SAFB: variants seen among roughly 807,000 people sequenced by gnomAD.
SAFB encodes the protein scaffold attachment factor B1.
Under a neutral mutation model 101.6 loss-of-function variants are expected in SAFB, and 15 were observed. The ratio of observed to expected loss-of-function variants is 0.15; its 90% CI spans 0.10 to 0.23. SAFB has a LOEUF of 0.23. Among genes scored for constraint, SAFB ranks in the 10% least tolerant of loss-of-function variants. The pLI is 1.00. For synonymous variants in SAFB, 449 were observed against 407.5 expected, an observed-to-expected ratio of 1.10 and a Z score of -1.23; for missense variants, 930 against 1,104.1, an observed-to-expected ratio of 0.84 and a Z score of 2.23.
chr19:5,623,403 G>A lies in SAFB; in HGVS notation c.189+9G>A, dbSNP rs1283784808. The A allele has an allele frequency of 1.2e-6, 2 of 1,610,738 alleles. No individual in the cohort carries two copies. Among genetic ancestry groups the A allele is most frequent in the African/African-American group, 1.3e-5 (1 of 74,874 alleles). Reference sequence around the variant, plus strand: ...TGGAGCGGCTGAAGAAGGTGGATTTGGGGCCCCGAGGGCGGGCACAGGGTG... The same window carrying A: ...TGGAGCGGCTGAAGAAGGTGGATTTAGGGCCCCGAGGGCGGGCACAGGGTG... On this transcript the variant is annotated intron_variant, in intron 1 of 20. Coordinates refer to ENST00000588852, the MANE Select transcript of SAFB (RefSeq NM_001201338.2).
chr19:5,626,262 TGGATGGGC>T, intron 1 of SAFB, 135 bp from the exon 2 acceptor site: 1 of 611,272 alleles, frequency 1.6e-6, no homozygotes. Context: ...AACAGATGAG[TGGATGGGC>T]CACAGGTCCT....
At position 5,649,987 on chromosome 19, in the gene SAFB, C is replaced by T. The variant is rs1191169324; in HGVS notation, c.1198+12C>T. Reference sequence around the variant, plus strand: ...CAAAGAGGAAAAGGGTAGGTCACCTCGGCGACACCAGTCCCTTGGAGCATG... The same window carrying T: ...CAAAGAGGAAAAGGGTAGGTCACCTTGGCGACACCAGTCCCTTGGAGCATG... On this transcript the variant is annotated intron_variant, in intron 8 of 20. Transcript: ENST00000588852. 7 of 1,609,444 alleles carry T rather than the reference C, an allele frequency of 4.3e-6. No individual in the cohort carries two copies. Among genetic ancestry groups the T allele is most frequent in the African/African-American group, 1.3e-5 (1 of 74,806 alleles).
At chr19:5,630,927 C>T (rs1428757964) in intron 2 of SAFB, among the ~76,000 whole-genome samples, 3 of 151,856 alleles carry the variant, frequency 2.0e-5, no homozygotes, top group Non-Finnish European at 2.9e-5. Flanking sequence ...CGTGGTGGCT[C>T]ATGCCTGTAA....
intron 9 of SAFB, among the ~76,000 whole-genome samples, chr19:5,651,317 G>T (rs554914693): frequency 5.9e-5 from 9 of 152,112 alleles, no homozygotes; most frequent in African/African-American, 2.2e-4. Context: ...GTGATGGCTC[G>T]TGGATCCATT....
In SAFB at chr19:5,636,039, C is replaced by G. The variant is rs140566886; in HGVS notation, c.275-5555C>G. On this transcript the variant is annotated intron_variant, in intron 2 of 20. Coordinates refer to ENST00000588852, the MANE Select transcript of SAFB (RefSeq NM_001201338.2). ...TGTGCTTTATACGTTGAAGATTAAA[C>G]ATTTTGAAGATTGCATGTTCTCTCG... Among the ~76,000 whole-genome samples the G allele has an allele frequency of 4.6e-5, 7 of 152,090 alleles. No individual in the cohort carries two copies. The East Asian group carries it at 9.7e-4, about 21-fold the overall frequency.
At position 5,649,913 on chromosome 19, in the gene SAFB, C is replaced by G. The variant is rs776888383; in HGVS notation, c.1149-13C>G. On this transcript the variant is annotated splice_polypyrimidine_tract_variant and intron_variant, in intron 7 of 20. Transcript: ENST00000588852. Reference sequence around the variant, plus strand: ...CTGCTTCCTTGTGGAGTGACATTGTCTTTTGTCTCTAGTTCTCCCGAAGAT... The same window carrying G: ...CTGCTTCCTTGTGGAGTGACATTGTGTTTTGTCTCTAGTTCTCCCGAAGAT... 2 of 1,612,088 alleles carry G rather than the reference C, an allele frequency of 1.2e-6. No homozygotes were observed. Among genetic ancestry groups the G allele is most frequent in the African/African-American group, 2.7e-5 (2 of 74,880 alleles).
Position 5,647,924 on chromosome 19 carries a change from A to T in SAFB, c.610-92A>T, listed in dbSNP as rs1236053239. On this transcript the variant is annotated intron_variant, in intron 5 of 20. Coordinates refer to ENST00000588852, the MANE Select transcript of SAFB (RefSeq NM_001201338.2). ...TGTGAGTTTCCCTCCCTGGATTTTT[A>T]AAATTCCCTCTTTAGTTATTCTGGG... 3.7e-5 allele frequency: 45 copies of T among 1,206,738 alleles called. 2 individuals are homozygous for T. Among genetic ancestry groups the T allele is most frequent in the Non-Finnish European group, 4.9e-5 (40 of 811,624 alleles). 74.8% of individuals were successfully genotyped at this position (1,206,738 alleles called of 1,614,324 possible).
intron 14 of SAFB, among the ~76,000 whole-genome samples, chr19:5,658,075 G>A (rs998965325): frequency 6.6e-6 from 1 of 151,818 alleles, no homozygotes; most frequent in African/African-American, 2.4e-5. Flanking sequence ...TCAGCTCACC[G>A]CAGCCTCCAC....
At chr19:5,664,646 G>A in intron 17 of SAFB, 1 of 530,706 alleles carries the variant, frequency 1.9e-6, no homozygotes, top group Non-Finnish European at 3.4e-6. Flanking sequence ...CAGTTACTCT[G>A]AAGCTGTTTT....
Position 5,649,956 on chromosome 19 carries a change from G to A in SAFB, c.1179G>A (p.Arg393=). 6.2e-7 allele frequency: 1 copy of A among 1,614,020 alleles called. No homozygotes were observed. The highest frequency in any genetic ancestry group is 8.5e-7 in the Non-Finnish European group (1 of 1,179,928). Reference sequence around the variant, plus strand: ...CCGAAGATGACTCGGATACAAAAAGGCTTTCCAAAGAGGAAAAGGGTAGGT... The same window carrying A: ...CCGAAGATGACTCGGATACAAAAAGACTTTCCAAAGAGGAAAAGGGTAGGT... The part of the protein sequence containing the change: ...SSPEDDSDTK[R]LSKEEKGRSS... The change falls in exon 8 of 21, where the codon AGG becomes AGA. Residue 393 remains arginine (R), a synonymous_variant. Transcript: ENST00000588852.
chr19:5,651,394 A>G (rs1332130019), intron 9 of SAFB, among the ~76,000 whole-genome samples: 3 of 152,144 alleles, frequency 2.0e-5, no homozygotes, highest in Middle Eastern at 3.2e-3. Context: ...GCTGGTCAGC[A>G]TGTCTGGGAG....
rs1129046 is a variant in SAFB, at chr19:5,654,438, G to T, written c.1737G>T (p.Thr579=). The T allele has an allele frequency of 6.2e-7, 1 of 1,607,536 alleles. No homozygotes were observed. Among genetic ancestry groups the T allele is most frequent in the Admixed American group, 1.7e-5 (1 of 60,022 alleles). The change falls in exon 13 of 21, where the codon ACG becomes ACT. Residue 579 remains threonine, a synonymous_variant. Transcript: ENST00000588852. ...GGGTGCCTGTGATTAGTGTAAAAAC[G>T]TCCGGGTCCAAAGAGAGAGTGAGTA... ...SKGVPVISVK[T]SGSKERASKS...
chr19:5,623,120 T>C lies in SAFB; in HGVS notation c.-86T>C. ...CGCTGGGGCGACTGGAGCGGTTCCC[T>C]CGCAGGCGGCGCCATTTTGTGCTAG... On this transcript the variant is annotated 5_prime_UTR_variant, in exon 1 of 21. Transcript: ENST00000588852. 2.2e-6 allele frequency: 3 copies of C among 1,378,448 alleles called. No homozygotes were observed. The East Asian group carries it at 7.5e-5, about 35-fold the overall frequency. 85.4% of individuals were successfully genotyped at this position (1,378,448 alleles called of 1,614,324 possible).
At position 5,667,161 on chromosome 19, in the gene SAFB, C is replaced by T; in HGVS notation, c.2450C>T (p.Pro817Leu). 6.3e-7 allele frequency: 1 copy of T among 1,581,450 alleles called. No individual in the cohort carries two copies. The highest frequency in any genetic ancestry group is 8.7e-7 in the Non-Finnish European group (1 of 1,153,268). The change falls in exon 18 of 21, where the codon CCC (proline) becomes CTC (leucine). Residue 817 changes from proline (P) to leucine (L), a missense_variant. By Grantham distance (98) the Pro-to-Leu change is moderately conservative (BLOSUM62 -3). Around this residue, in one of 7 missense-constraint regions of SAFB, gnomAD observed 318 missense variants for 342.6 expected, o/e 0.93. Transcript: ENST00000588852. This position sits in a 1 kb window ranked among gnomAD's most constrained non-coding sequence, Gnocchi z 4.0. ...GAGGGCCGGGGGCTGCCTCCTCCCC[C>T]CAGGTTTGTGTCCCACACCCGACAG... The part of the protein sequence containing the change: ...MSEGRGLPPP[P>L]RGRRDWGDHG...
intron 2 of SAFB, among the ~76,000 whole-genome samples, chr19:5,635,529 G>C (rs2053577934): frequency 6.6e-6 from 1 of 152,122 alleles, no homozygotes; most frequent in African/African-American, 2.4e-5. Context: ...CCTATACTTA[G>C]GAGGATGAAT....
chr19:5,636,615 G>A (rs996593745), intron 2 of SAFB, among the ~76,000 whole-genome samples: 2 of 151,986 alleles, frequency 1.3e-5, no homozygotes, highest in African/African-American at 4.8e-5. Flanking sequence ...AATTAGGTTT[G>A]GAATTTTTGT....
chr19:5,640,559 T>TA (rs139718999), intron 2 of SAFB, among the ~76,000 whole-genome samples: 2,533 of 150,744 alleles, frequency 0.017, 40 homozygotes, highest in East Asian at 0.027. Context: ...ATGTATAAGT[T>TA]AAAAAAAAAC....
intron 14 of SAFB, 112 bp from the exon 15 acceptor site, chr19:5,661,406 G>A (rs1025702409): frequency 2.6e-6 from 4 of 1,530,548 alleles, no homozygotes; most frequent in Non-Finnish European, 3.5e-6. Flanking sequence ...TGCAGACCAC[G>A]TAGTGGACGC....
chr19:5,641,963 G>C lies in SAFB; in HGVS notation c.546+17G>C, dbSNP rs1345967039. 2.5e-6 allele frequency: 4 copies of C among 1,601,068 alleles called. No homozygotes were observed. Among genetic ancestry groups the C allele is most frequent in the Non-Finnish European group, 2.6e-6 (3 of 1,168,198 alleles). On this transcript the variant is annotated intron_variant, in intron 4 of 20. Coordinates refer to ENST00000588852, the MANE Select transcript of SAFB (RefSeq NM_001201338.2). The stretch of plus-strand genomic sequence containing the variant: ...GAACATGCTGTAGGTAACCGGCAAT[G>C]TCTCTAGAATGTGCCCTGAATGTAT...
Sources: allele counts gnomAD v4.1 joint callset (sites outside exome capture counted in the v4.1 genomes callset), GRCh38; gene constraint gnomAD v4.1.1; regional missense constraint gnomAD v4.1.1; non-coding constraint Gnocchi (gnomAD v3.1); transcripts MANE v1.5; gene names NCBI Gene and HGNC (gene_info 2026-07-23, HGNC 2026-07-21).